GNGT1: variants seen among roughly 807,000 people sequenced by gnomAD.
GNGT1 encodes guanine nucleotide-binding protein G(T) subunit gamma-T1.
GNGT1 carries 4 observed loss-of-function variants against 7.4 expected under a neutral mutation model. That is an observed-to-expected ratio of 0.54 (90% CI 0.27 to 1.24). GNGT1 has a LOEUF of 1.24. Among genes scored for constraint, GNGT1 ranks in the 50% most tolerant of loss-of-function variants. The pLI, the probability that GNGT1 is intolerant of heterozygous loss-of-function variation, is 0.12. For synonymous variants in GNGT1, 37 were observed against 30.2 expected (o/e 1.23, Z -0.74); for missense variants, 95 against 82.4 (o/e 1.15, Z -0.59).
chr7:93,909,637 CTAAAT>C (rs1338457804), intron 2 of GNGT1: 6 of 559,126 alleles, frequency 1.1e-5, no homozygotes, highest in Non-Finnish European at 1.9e-5. Flanking sequence ...AAAAGTGAAT[CTAAAT>C]TAATGCATAT....
At chr7:93,909,446 A>C in intron 2 of GNGT1, 1 of 701,242 alleles carries the variant, frequency 1.4e-6, no homozygotes, top group Non-Finnish European at 2.6e-6. Flanking sequence ...ATATAATTTT[A>C]GGTAATTTGT....
intron 2 of GNGT1, 97 bp downstream of exon 2, chr7:93,906,939 C>T: frequency 1.6e-6 from 1 of 608,750 alleles, no homozygotes; most frequent in East Asian, 3.3e-5. Context: ...AATGTAGTTA[C>T]AAATAAATTG....
Position 93,906,652 on chromosome 7 carries a change from A to T in GNGT1, c.-12+8A>T. ...CAAAGAACAGTTTACTTTGTAAGTT[A>T]AGAGCTGAGGGAATTGTTGGCTAAG... On this transcript the variant is annotated splice_region_variant and intron_variant, in intron 1 of 2. Transcript: ENST00000248572. 1 of 737,320 alleles carries T rather than the reference A, an allele frequency of 1.4e-6. No individual in the cohort carries two copies. Among genetic ancestry groups the T allele is most frequent in the Non-Finnish European group, 2.4e-6 (1 of 420,536 alleles). The allele number at this position is 737,320 out of a possible 1,614,324, so 45.7% of individuals were successfully genotyped here. A position where few individuals can be genotyped will look rare whatever the true frequency, so the allele number is the denominator to read the frequency against.
intron 2 of GNGT1, chr7:93,910,475 G>A (rs187113155): frequency 6.7e-4 from 109 of 162,954 alleles, no homozygotes; most frequent in South Asian, 3.0e-3. Flanking sequence ...GAACTCTGGT[G>A]ACACCCTTGA....
chr7:93,907,197 GAGAA>G (rs1343950455), intron 2 of GNGT1, among the ~76,000 whole-genome samples: 2 of 151,476 alleles, frequency 1.3e-5, no homozygotes, highest in Non-Finnish European at 2.9e-5. Flanking sequence ...AGAAATAAAA[GAGAA>G]AGAAAAGAAA....
At chr7:93,907,608 A>C (rs1452406130) in intron 2 of GNGT1, among the ~76,000 whole-genome samples, 1 of 152,240 alleles carries the variant, frequency 6.6e-6, no homozygotes, top group Non-Finnish European at 1.5e-5. Context: ...AGCTTGGAGA[A>C]TGTAGATATG....
At chr7:93,907,462 A>T (rs1015699391) in intron 2 of GNGT1, among the ~76,000 whole-genome samples, 2 of 152,200 alleles carry the variant, frequency 1.3e-5, no homozygotes, top group Admixed American at 6.5e-5. Context: ...GCAAATAAAG[A>T]TGAGTTCAAA....
intron 2 of GNGT1, chr7:93,909,650 T>C (rs538771516): frequency 2.6e-5 from 14 of 540,564 alleles, no homozygotes; most frequent in East Asian, 2.6e-4. Context: ...AATTAATGCA[T>C]ATTTCAAAAG....
rs1469592438 is a variant in GNGT1, at chr7:93,906,631, G to C, written c.-25G>C. On this transcript the variant is annotated 5_prime_UTR_variant, in exon 1 of 3. Coordinates refer to ENST00000248572, the MANE Select transcript of GNGT1 (RefSeq NM_021955.5). ...CGTGGGATATTTAAAATAAAACAAA[G>C]AACAGTTTACTTTGTAAGTTAAGAG... is the stretch of plus-strand genomic sequence containing the variant. The C allele has an allele frequency of 1.4e-6, 1 of 692,784 alleles. No homozygotes were observed. Among genetic ancestry groups the C allele is most frequent in the Admixed American group, 2.8e-5 (1 of 35,996 alleles). The allele number at this position is 692,784 out of a possible 1,614,324, so 42.9% of individuals were successfully genotyped here.
At chr7:93,906,963 T>G (rs182203386) in intron 2 of GNGT1, 121 bp downstream of exon 2, 2 of 546,554 alleles carry the variant, frequency 3.7e-6, no homozygotes, top group Non-Finnish European at 6.4e-6. Flanking sequence ...ATCTAAAAAT[T>G]TATCAAAGAT....
chr7:93,907,414 A>G (rs895621918), intron 2 of GNGT1, among the ~76,000 whole-genome samples: 5 of 152,144 alleles, frequency 3.3e-5, no homozygotes, highest in African/African-American at 1.2e-4. Context: ...CTCCACTGTC[A>G]TGGTCAGTAA....
Position 93,906,794 on chromosome 7 carries a change from G to A in GNGT1, c.48G>A (p.Lys16=), listed in dbSNP as rs1211961086. 2 of 1,606,366 alleles carry A rather than the reference G, an allele frequency of 1.2e-6. No homozygotes were observed. Among genetic ancestry groups the A allele is most frequent in the Non-Finnish European group, 8.5e-7 (1 of 1,176,324 alleles). Residue 16 remains lysine (K), a synonymous_variant, in exon 2 of 3, where the codon AAG becomes AAA. Transcript: ENST00000248572. ...ACCTGACAGAAAAGGACAAATTGAA[G>A]ATGGAAGTTGACCAGCTCAAGAAAG... ...IEDLTEKDKL[K]MEVDQLKKEV... is the part of the protein sequence containing the mutation.
intron 2 of GNGT1, chr7:93,909,518 G>A (rs1051519213): frequency 1.4e-6 from 1 of 702,006 alleles, no homozygotes; most frequent in Non-Finnish European, 2.6e-6. Flanking sequence ...AATCCCTTAT[G>A]GACTACTGAA....
chr7:93,906,837 A>G lies in GNGT1; in HGVS notation c.91A>G (p.Met31Val). Residue 31 changes from methionine (M) to valine (V), a missense_variant, in exon 2 of 3, where the codon ATG becomes GTG. Coordinates refer to ENST00000248572, the MANE Select transcript of GNGT1 (RefSeq NM_021955.5). ...CAAGAAAGAAGTGACACTGGAAAGA[A>G]TGCTAGTAAGTTGCTGCTTTCTTTA... ...QLKKEVTLER[M>V]LVSKCCEEVR... 6.4e-7 allele frequency: 1 copy of G among 1,570,962 alleles called. No homozygotes were observed. The highest frequency in any genetic ancestry group is 8.7e-7 in the Non-Finnish European group (1 of 1,149,678).
intron 2 of GNGT1, chr7:93,909,401 A>T: frequency 1.5e-6 from 1 of 669,160 alleles, no homozygotes; most frequent in Non-Finnish European, 2.7e-6. Context: ...ATTTATATTA[A>T]GCATCACTGA....
chr7:93,908,709 G>C lies in GNGT1; in HGVS notation c.96+1867G>C, dbSNP rs189546574. On this transcript the variant is annotated intron_variant, in intron 2 of 2. Transcript: ENST00000248572. ...ATATAAAATGGAACTTCCAGGTCCT[G>C]AGCCCCTAGCTCTGATGTATAATCA... is the stretch of plus-strand genomic sequence containing the variant. Among the ~76,000 whole-genome samples the C allele has an allele frequency of 4.6e-5, 7 of 151,678 alleles. No individual in the cohort carries two copies. In the East Asian group the frequency reaches 1.2e-3, roughly 25 times the overall value.
intron 2 of GNGT1, among the ~76,000 whole-genome samples, chr7:93,908,525 A>T (rs1175161023): frequency 6.6e-6 from 1 of 152,098 alleles, no homozygotes; most frequent in African/African-American, 2.4e-5. Flanking sequence ...CGGTAATCCT[A>T]TTTATGAGAA....
chr7:93,909,398 T>C (rs912499803), intron 2 of GNGT1: 1 of 665,422 alleles, frequency 1.5e-6, no homozygotes, highest in East Asian at 2.7e-5. Context: ...TATATTTATA[T>C]TAAGCATCAC....
chr7:93,908,630 T>C (rs1584090745), intron 2 of GNGT1, among the ~76,000 whole-genome samples: 1 of 151,628 alleles, frequency 6.6e-6, no homozygotes, highest in Non-Finnish European at 1.5e-5. Flanking sequence ...AATATGTATG[T>C]AATATATAGA....
Sources: allele counts gnomAD v4.1 joint callset (sites outside exome capture counted in the v4.1 genomes callset), GRCh38; gene constraint gnomAD v4.1.1; transcripts MANE v1.5; gene names NCBI Gene and HGNC (gene_info 2026-07-23, HGNC 2026-07-21).